The following SPINK5 variants were observed in gnomAD, a reference collection of about 807,000 sequenced individuals.
The protein encoded by SPINK5 is serine protease inhibitor Kazal-type 5.
A neutral mutation model predicts 151.8 loss-of-function variants in SPINK5; 125 were observed. The observed-to-expected ratio is 0.82, with a 90% CI of 0.71 to 0.96. The LOEUF is 0.96. Ranked by LOEUF, SPINK5 falls within the 40% of genes least tolerant of loss-of-function variation. SPINK5 has a pLI of 0.00. For missense variants in SPINK5, 1,194 were observed against 1,291.9 expected (o/e 0.92, Z 1.16); for synonymous variants, 374 against 395.3 (o/e 0.95, Z 0.64).
At chr5:148,112,510 T>TA (rs1467883678) in intron 19 of SPINK5, among the ~76,000 whole-genome samples, 2 of 151,928 alleles carry the variant, frequency 1.3e-5, no homozygotes, top group African/African-American at 4.8e-5. Context: ...CCACCTTTAC[T>TA]AAAAATATAA....
chr5:148,127,983 G>A (rs1754477071), intron 30 of SPINK5, among the ~76,000 whole-genome samples: 1 of 152,116 alleles, frequency 6.6e-6, no homozygotes, highest in East Asian at 1.9e-4. Context: ...AAGAGGATAT[G>A]AGAACATCAA....
At chr5:148,107,247 G>A (rs1753807917) in intron 17 of SPINK5, 83 bp downstream of exon 17, 1 of 1,552,682 alleles carries the variant, frequency 6.4e-7, no homozygotes, top group African/African-American at 1.4e-5. Context: ...CATGTGTAGA[G>A]TATAGACCGT....
chr5:148,088,635 T>C (rs1309610204), intron 6 of SPINK5, 30 bp downstream of exon 6: 1 of 1,605,962 alleles, frequency 6.2e-7, no homozygotes, highest in Non-Finnish European at 8.5e-7. Flanking sequence ...TGATGGGAAA[T>C]ACTGGGAGGC....
At chr5:148,097,070 TTTTC>T (rs1464605648) in intron 10 of SPINK5, among the ~76,000 whole-genome samples, 3 of 151,184 alleles carry the variant, frequency 2.0e-5, no homozygotes, top group South Asian at 2.1e-4. Flanking sequence ...CCTTTCTCCT[TTTTC>T]TTTTTCTTCT....
intron 4 of SPINK5, among the ~76,000 whole-genome samples, chr5:148,080,984 A>G (rs1753004106): frequency 1.3e-5 from 2 of 151,630 alleles, no homozygotes; most frequent in Admixed American, 1.3e-4. Flanking sequence ...TATTACACCA[A>G]AGATATATGA....
intron 30 of SPINK5, 34 bp from the exon 31 acceptor site, chr5:148,131,225 T>C: frequency 6.2e-7 from 1 of 1,612,860 alleles, no homozygotes; most frequent in Non-Finnish European, 8.5e-7. Flanking sequence ...TTGAATGCCA[T>C]AAAGTACGTC....
intron 1 of SPINK5, among the ~76,000 whole-genome samples, chr5:148,064,405 A>C (rs1752522384): frequency 6.6e-6 from 1 of 152,220 alleles, no homozygotes; most frequent in Non-Finnish European, 1.5e-5. Context: ...TAAATGTATC[A>C]ATTCATAATG....
intron 10 of SPINK5, among the ~76,000 whole-genome samples, chr5:148,096,511 T>G (rs1753465266): frequency 6.6e-6 from 1 of 152,026 alleles, no homozygotes; most frequent in African/African-American, 2.4e-5. Flanking sequence ...GAACAAAAAC[T>G]ATGGTTCCAC....
At chr5:148,086,624 T>G in intron 5 of SPINK5, 92 bp downstream of exon 5, 1 of 1,518,206 alleles carries the variant, frequency 6.6e-7, no homozygotes, top group Non-Finnish European at 8.9e-7. Flanking sequence ...AAGCTAACGA[T>G]TCATTATGTG....
chr5:148,068,780 T>G lies in SPINK5; in HGVS notation c.82-1543T>G, dbSNP rs189387872. Among the ~76,000 whole-genome samples, 246 of 152,122 alleles carry G rather than the reference T, an allele frequency of 1.6e-3. 2 individuals are homozygous for G. The highest frequency in any genetic ancestry group is 5.7e-3 in the African/African-American group (238 of 41,506). On this transcript the variant is annotated intron_variant, in intron 2 of 32. Transcript: ENST00000256084. ...AAACAAAAAACAACAAAAATCCCCTTAGATTCCAAAGGCCTATTCTAAAGA... is the reference window on the plus strand; with the variant it reads ...AAACAAAAAACAACAAAAATCCCCTGAGATTCCAAAGGCCTATTCTAAAGA...
Position 148,123,521 on chromosome 5 carries a change from GTATATATATATATATA to G in SPINK5, c.2539-297_2539-282del, listed in dbSNP as rs1159209367. The stretch of plus-strand genomic sequence containing the variant: ...TGGAGTGCAGTGGTGCAATATATGT[GTATATATATATATATA>G]TATATATATATATAATCTTGCTTGC... On this transcript the variant is annotated intron_variant, in intron 26 of 32. Transcript: ENST00000256084. 4.4e-4 allele frequency among the ~76,000 whole-genome samples: 11 copies of G among 25,016 alleles called. 1 individual carries two copies. Among genetic ancestry groups the G allele is most frequent in the Non-Finnish European group, 3.7e-4 (3 of 8,104 alleles). The allele number at this position is 25,016 out of a possible 152,430, so 16.4% of individuals were successfully genotyped here. A position where few individuals can be genotyped will look rare whatever the true frequency, so the allele number is the denominator to read the frequency against.
chr5:148,099,011 C>G lies in SPINK5; in HGVS notation c.1011-223C>G, dbSNP rs35332271. On this transcript the variant is annotated intron_variant, in intron 11 of 32. Transcript: ENST00000256084. ...TTTACAGAAAGCAAGTATCCCAGAT[C>G]CACTATTGCCGTCTTTCTTTCAACA... 0.11 allele frequency among the ~76,000 whole-genome samples: 17,264 copies of G among 152,030 alleles called. 1,385 individuals are homozygous for G. The highest frequency in any genetic ancestry group is 0.17 in the Non-Finnish European group (11,867 of 67,946).
At chr5:148,064,550 G>C (rs1392397429) in intron 1 of SPINK5, among the ~76,000 whole-genome samples, 1 of 152,022 alleles carries the variant, frequency 6.6e-6, no homozygotes, top group Non-Finnish European at 1.5e-5. Flanking sequence ...GTATCTTCTA[G>C]CTTATTTTAG....
chr5:148,068,744 A>T (rs1752657020), intron 2 of SPINK5, among the ~76,000 whole-genome samples: 1 of 151,832 alleles, frequency 6.6e-6, no homozygotes, highest in Admixed American at 6.6e-5. Flanking sequence ...GAAGCAGATT[A>T]AAAAAAATCA....
chr5:148,110,340 A>G (rs1022600501), intron 18 of SPINK5, among the ~76,000 whole-genome samples: 1 of 152,092 alleles, frequency 6.6e-6, no homozygotes, highest in Non-Finnish European at 1.5e-5. Flanking sequence ...ATTCTTCAAC[A>G]TACAATGAAC....
chr5:148,111,935 G>A, intron 19 of SPINK5, 40 bp downstream of exon 19: 1 of 1,613,678 alleles, frequency 6.2e-7, no homozygotes, highest in Non-Finnish European at 8.5e-7. Flanking sequence ...GAGTGTGGGA[G>A]AAGATCAGCA....
intron 14 of SPINK5, 81 bp from the exon 15 acceptor site, chr5:148,101,700 A>G: frequency 6.2e-7 from 1 of 1,604,376 alleles, no homozygotes. Context: ...CGTTTAAGAA[A>G]AAAAGTACAA....
chr5:148,119,073 G>A lies in SPINK5; in HGVS notation c.2313+15G>A, dbSNP rs761353077. 29 of 1,613,324 alleles carry A rather than the reference G, an allele frequency of 1.8e-5. No homozygotes were observed. The highest frequency in any genetic ancestry group is 2.3e-5 in the Non-Finnish European group (27 of 1,179,572). ...AATCAGGGAAGGTGAGTTATTTTTT[G>A]GGTTTTGGCAAGAATCGTCTTTCTG... On this transcript the variant is annotated intron_variant, in intron 24 of 32. Transcript: ENST00000256084.
chr5:148,086,715 A>G (rs569191410), intron 5 of SPINK5, among the ~76,000 whole-genome samples, 183 bp downstream of exon 5: 2 of 151,892 alleles, frequency 1.3e-5, no homozygotes, highest in East Asian at 3.9e-4. Context: ...ATAACACTTT[A>G]TATTTTACAA....
Sources: gnomAD v4.1 joint callset for allele counts (sites outside exome capture counted in the v4.1 genomes callset) on GRCh38, gnomAD v4.1.1 for gene constraint, MANE v1.5 for transcripts, NCBI Gene and HGNC (gene_info 2026-07-23, HGNC 2026-07-21) for gene names.